The following ASPH variants were observed in gnomAD, a reference collection of about 807,000 sequenced individuals.
ASPH encodes the protein aspartyl/asparaginyl beta-hydroxylase.
Under a neutral mutation model 118.4 loss-of-function variants are expected in ASPH, and 100 were observed. The ratio of observed to expected loss-of-function variants is 0.84; its 90% CI spans 0.72 to 1.00. The LOEUF (loss-of-function observed/expected upper bound fraction) is 1.00. Among genes scored for constraint, ASPH ranks in the 50% least tolerant of loss-of-function variants. The probability of loss-of-function intolerance (pLI) is 0.00; values close to 1 mark genes in which losing one functional copy is unlikely to be tolerated. For synonymous variants in ASPH, 315 were observed against 325.6 expected, an observed-to-expected ratio of 0.97 and a Z score of 0.35; for missense variants, 920 against 919.5, an observed-to-expected ratio of 1.00 and a Z score of -0.01.
Position 61,626,239 on chromosome 8 carries a change from C to G in ASPH, c.935-7220G>C, listed in dbSNP as rs1168167281. The G allele has an allele frequency of 2.6e-6, 4 of 1,542,948 alleles. 1 individual carries two copies. In the South Asian group the frequency reaches 5.1e-5, roughly 20 times the overall value. On this transcript the variant is annotated intron_variant, in intron 13 of 24. Coordinates refer to ENST00000379454, the MANE Select transcript of ASPH (RefSeq NM_004318.4). ...TTTGGAGCGTATGGTTAGGCTGGTC[C>G]TCCTGTGGTGGTAGGGGCAGTCTTT...
intron 14 of ASPH, among the ~76,000 whole-genome samples, chr8:61,611,081 C>A (rs1847189671): frequency 6.6e-6 from 1 of 152,224 alleles, no homozygotes; most frequent in Non-Finnish European, 1.5e-5. Flanking sequence ...CAAGCCAAAG[C>A]ATCCCTGGCT....
At chr8:61,693,884 G>A (rs1323958044) in intron 1 of ASPH, among the ~76,000 whole-genome samples, 2 of 152,046 alleles carry the variant, frequency 1.3e-5, no homozygotes, top group South Asian at 2.1e-4. Flanking sequence ...AGTTCACTGC[G>A]TGGACTGCCG....
At chr8:61,565,207 T>C (rs1831278002) in intron 17 of ASPH, among the ~76,000 whole-genome samples, 1 of 152,352 alleles carries the variant, frequency 6.6e-6, no homozygotes, top group East Asian at 1.9e-4. Flanking sequence ...GATGTTCTTT[T>C]CAAAGTATTT....
At chr8:61,609,968 T>C (rs905097807) in intron 14 of ASPH, among the ~76,000 whole-genome samples, 1 of 152,238 alleles carries the variant, frequency 6.6e-6, no homozygotes, top group African/African-American at 2.4e-5. Flanking sequence ...TGCCTCAGTA[T>C]AGAAATAGAC....
At chr8:61,675,005 A>C (rs1824555086) in intron 3 of ASPH, among the ~76,000 whole-genome samples, 1 of 152,162 alleles carries the variant, frequency 6.6e-6, no homozygotes, top group South Asian at 2.1e-4. Flanking sequence ...CTTGAGGGGA[A>C]ACTGATGAAA....
At chr8:61,522,568 G>A (rs879445555) in intron 22 of ASPH, among the ~76,000 whole-genome samples, 2 of 152,064 alleles carry the variant, frequency 1.3e-5, no homozygotes, top group Non-Finnish European at 2.9e-5. Flanking sequence ...TGAATCATGG[G>A]GGTGGTTTTC....
chr8:61,699,728 T>A (rs1405170352), intron 1 of ASPH, among the ~76,000 whole-genome samples: 1 of 152,196 alleles, frequency 6.6e-6, no homozygotes, highest in East Asian at 1.9e-4. Flanking sequence ...TGAAAAAAAA[T>A]TCCATTTTAT....
intron 14 of ASPH, among the ~76,000 whole-genome samples, chr8:61,601,157 T>C (rs1843853610): frequency 2.6e-5 from 4 of 151,230 alleles, no homozygotes; most frequent in African/African-American, 9.9e-5. Flanking sequence ...GAGGCTTTGG[T>C]AGCCCTCCAT....
At chr8:61,698,624 G>T (rs1189459378) in intron 1 of ASPH, among the ~76,000 whole-genome samples, 1 of 152,176 alleles carries the variant, frequency 6.6e-6, no homozygotes, top group African/African-American at 2.4e-5. Flanking sequence ...CAGAGGTTGG[G>T]GGTGGGGCTG....
In ASPH at chr8:61,619,008, T is replaced by C; in HGVS notation, c.946A>G (p.Lys316Glu). 6.2e-7 allele frequency: 1 copy of C among 1,604,198 alleles called. No individual in the cohort carries two copies. Among genetic ancestry groups the C allele is most frequent in the Non-Finnish European group, 8.5e-7 (1 of 1,172,274 alleles). Residue 316 changes from lysine to glutamate, a missense_variant, in exon 14 of 25, where the codon AAA (lysine) becomes GAA (glutamate). By Grantham distance (56) the Lys-to-Glu change is moderately conservative. Coordinates refer to ENST00000379454, the MANE Select transcript of ASPH (RefSeq NM_004318.4). ...QQEVPPETNR[K>E]TDDPEQKAKV... ...GCTTTTTGTTCTGGATCATCTGTTT[T>C]TCTATTTGTTTCTGAAAATTAAAGA...
In ASPH at chr8:61,567,290, C is replaced by A; in HGVS notation, c.1178G>T (p.Arg393Ile). ...QCEDDLAEKR[R>I]SNEVLRGAIE... ...GGCTCCACGTAGCACCTCATTACTTCTCCTCTTCTCAGCCAAATCATCCTC... is the reference window on the plus strand; with the variant it reads ...GGCTCCACGTAGCACCTCATTACTTATCCTCTTCTCAGCCAAATCATCCTC... The change falls in exon 17 of 25, where the codon AGA becomes ATA. Residue 393 changes from arginine (R) to isoleucine (I), a missense_variant. Transcript: ENST00000379454. 6.2e-7 allele frequency: 1 copy of A among 1,613,934 alleles called. No homozygotes were observed. The highest frequency in any genetic ancestry group is 1.1e-5 in the South Asian group (1 of 91,058).
chr8:61,543,620 C>G (rs1166190679), intron 21 of ASPH, among the ~76,000 whole-genome samples: 1 of 152,208 alleles, frequency 6.6e-6, no homozygotes, highest in Non-Finnish European at 1.5e-5. Flanking sequence ...GCATCAGGGC[C>G]CCTCACAGGC....
intron 21 of ASPH, among the ~76,000 whole-genome samples, chr8:61,530,154 C>T (rs981975455): frequency 3.3e-5 from 5 of 152,204 alleles, no homozygotes; most frequent in Non-Finnish European, 5.9e-5. Flanking sequence ...AAACAGCAGG[C>T]AATGCCTACA....
rs1272315020 is a variant in ASPH at position 61,501,996 on chromosome 8, A to C, written c.*1363T>G. ...TAGAATTCAGTGCATGAATATCATT[A>C]CATTCTTATATCTAACATTCCTAGT... On this transcript the variant is annotated 3_prime_UTR_variant, in exon 25 of 25. Coordinates refer to ENST00000379454, the MANE Select transcript of ASPH (RefSeq NM_004318.4). The C allele has an allele frequency of 6.6e-6, 1 of 152,218 alleles. No homozygotes were observed. The highest frequency in any genetic ancestry group is 1.5e-5 in the Non-Finnish European group (1 of 68,032). 9.4% of individuals were successfully genotyped at this position (152,218 alleles called of 1,614,324 possible). A position where few individuals can be genotyped will look rare whatever the true frequency, so the allele number is the denominator to read the frequency against.
intron 15 of ASPH, chr8:61,578,386 G>A (rs962165336): frequency 4.4e-6 from 7 of 1,604,932 alleles, no homozygotes; most frequent in Non-Finnish European, 5.1e-6. Flanking sequence ...GGCTATAGTG[G>A]GGCCAGCGGC....
intron 1 of ASPH, among the ~76,000 whole-genome samples, chr8:61,691,735 G>C (rs1263678992): frequency 6.6e-6 from 1 of 152,180 alleles, no homozygotes; most frequent in Non-Finnish European, 1.5e-5. Flanking sequence ...TTCTAGGCCT[G>C]AATTTCCTTG....
chr8:61,578,950 TG>T (rs1248038613), intron 15 of ASPH: 4 of 1,611,258 alleles, frequency 2.5e-6, no homozygotes, highest in Non-Finnish European at 3.4e-6. Flanking sequence ...GACACATCTG[TG>T]GTGCTGTCCA....
chr8:61,505,141 G>A (rs921577793), intron 24 of ASPH, among the ~76,000 whole-genome samples: 9 of 152,044 alleles, frequency 5.9e-5, no homozygotes, highest in East Asian at 1.9e-4. Context: ...GAGATCTGAT[G>A]GTTTCATCAG....
chr8:61,625,389 G>A (rs1273194661), intron 13 of ASPH: 13 of 985,550 alleles, frequency 1.3e-5, no homozygotes, highest in Non-Finnish European at 1.4e-5. Context: ...AGTGCTGGAG[G>A]GGAATTACTC....
Sources: allele counts gnomAD v4.1 joint callset (sites outside exome capture counted in the v4.1 genomes callset), GRCh38; gene constraint gnomAD v4.1.1; transcripts MANE v1.5; gene names NCBI Gene and HGNC (gene_info 2026-07-23, HGNC 2026-07-21).